Variants in RIMS2 observed in about 807,000 individuals in gnomAD.
RIMS2 encodes regulating synaptic membrane exocytosis protein 2.
A neutral mutation model predicts 174.4 loss-of-function variants in RIMS2; 59 were observed. That is an observed-to-expected ratio of 0.34 (90% CI 0.27 to 0.42). RIMS2 has a LOEUF of 0.42. Ranked by LOEUF, RIMS2 falls within the 10% of genes least tolerant of loss-of-function variation. The pLI, the probability that RIMS2 is intolerant of heterozygous loss-of-function variation, is 1.00. For synonymous variants in RIMS2, 606 were observed against 572.5 expected (o/e 1.06, Z -0.84); for missense variants, 1,620 against 1,666.3 (o/e 0.97, Z 0.48).
intron 2 of RIMS2, among the ~76,000 whole-genome samples, chr8:103,746,861 T>C (rs1438668012): frequency 1.3e-5 from 2 of 151,978 alleles, no homozygotes; most frequent in Non-Finnish European, 2.9e-5. Context: ...TTTGTATTTT[T>C]AGTAGAGACA....
In RIMS2 at chr8:104,196,005, T is replaced by C. The variant is rs185404630; in HGVS notation, c.3335-48911T>C. Among the ~76,000 whole-genome samples, 5 of 152,302 alleles carry C rather than the reference T, an allele frequency of 3.3e-5. No homozygotes were observed. In the East Asian group the frequency reaches 7.7e-4, roughly 23 times the overall value. ...TCTTTAAATATTGAGAAGATTTCTT[T>C]TTCTTAAGGAATCAAAGACCTAATA... On this transcript the variant is annotated intron_variant, in intron 19 of 23. Transcript: ENST00000504942.
intron 19 of RIMS2, among the ~76,000 whole-genome samples, chr8:104,042,282 T>C (rs765738990): frequency 6.6e-6 from 1 of 151,580 alleles, no homozygotes; most frequent in Non-Finnish European, 1.5e-5. Context: ...GGAAACAGTA[T>C]GGCCAGTAGC....
At chr8:104,182,894 T>C (rs1400064759) in intron 19 of RIMS2, among the ~76,000 whole-genome samples, 2 of 151,860 alleles carry the variant, frequency 1.3e-5, no homozygotes, top group African/African-American at 4.8e-5. Context: ...ATTTGTGCAC[T>C]GTTTACAAAT....
At chr8:103,856,959 T>C (rs190987527) in intron 3 of RIMS2, among the ~76,000 whole-genome samples, 2 of 152,102 alleles carry the variant, frequency 1.3e-5, no homozygotes, top group East Asian at 3.9e-4. Flanking sequence ...GATGCACAAC[T>C]CAGTTATCTT....
At chr8:103,693,456 C>A (rs1481004722) in intron 1 of RIMS2, among the ~76,000 whole-genome samples, 1 of 152,122 alleles carries the variant, frequency 6.6e-6, no homozygotes, top group African/African-American at 2.4e-5. Flanking sequence ...TCTCTTCCAC[C>A]ATCTTCTTAT....
At chr8:103,794,253 GA>G (rs1416412019) in intron 3 of RIMS2, among the ~76,000 whole-genome samples, 1 of 152,088 alleles carries the variant, frequency 6.6e-6, no homozygotes, top group African/African-American at 2.4e-5. Context: ...CAATGGAACA[GA>G]ACAGAGCCCT....
At chr8:104,063,952 A>G (rs941441535) in intron 19 of RIMS2, among the ~76,000 whole-genome samples, 3 of 152,192 alleles carry the variant, frequency 2.0e-5, no homozygotes, top group African/African-American at 7.2e-5. Context: ...TACTGTTTGC[A>G]TACTACAGAA....
chr8:104,245,145 G>C, intron 20 of RIMS2, 88 bp downstream of exon 26: 1 of 1,346,218 alleles, frequency 7.4e-7, no homozygotes, highest in Non-Finnish European at 1.0e-6. Flanking sequence ...CAACTCTCAT[G>C]CTCTTCAGAA....
At chr8:103,559,055 A>AATTTTTTTTTTTTTTTTTTTT (rs1397052354) in intron 1 of RIMS2, 2 of 20,040 alleles carry the variant, frequency 1.0e-4, no homozygotes, top group South Asian at 9.3e-4. Context: ...ATATTTTTTA[A>AATTTTTTTTTTTTTTTTTTTT]CTTTTTTTTT....
intron 3 of RIMS2, among the ~76,000 whole-genome samples, chr8:103,777,098 T>C (rs1046722012): frequency 1.3e-5 from 2 of 152,114 alleles, no homozygotes; most frequent in Admixed American, 6.6e-5. Flanking sequence ...GCAACAGTCA[T>C]GTGTATCTTC....
intron 3 of RIMS2, among the ~76,000 whole-genome samples, chr8:103,864,712 A>C (rs530480311): frequency 6.6e-6 from 1 of 152,326 alleles, no homozygotes; most frequent in Non-Finnish European, 1.5e-5. Flanking sequence ...AATTATTCTT[A>C]AGAAAATTAA....
intron 1 of RIMS2, among the ~76,000 whole-genome samples, chr8:103,562,445 C>G (rs2091740300): frequency 6.6e-6 from 1 of 152,214 alleles, no homozygotes; most frequent in Admixed American, 6.5e-5. Context: ...AGTTCCAAAA[C>G]AGTCTCCTCT....
chr8:104,092,299 A>G (rs1453947252), intron 19 of RIMS2, among the ~76,000 whole-genome samples: 1 of 151,890 alleles, frequency 6.6e-6, no homozygotes, highest in Non-Finnish European at 1.5e-5. Context: ...TTGATAAAAA[A>G]TAATCATCTT....
At chr8:103,681,172 T>G (rs528620062) in intron 1 of RIMS2, among the ~76,000 whole-genome samples, 3 of 151,904 alleles carry the variant, frequency 2.0e-5, no homozygotes, top group South Asian at 4.1e-4. Context: ...AACACTAAAT[T>G]TGGATTTGGC....
intron 1 of RIMS2, among the ~76,000 whole-genome samples, chr8:103,565,081 C>T (rs2092169381): frequency 6.6e-6 from 1 of 152,152 alleles, no homozygotes; most frequent in Non-Finnish European, 1.5e-5. Flanking sequence ...GACATATGGG[C>T]TAAAGACATG....
At chr8:103,704,846 TTG>T (rs2097206661) in intron 2 of RIMS2, among the ~76,000 whole-genome samples, 1 of 152,026 alleles carries the variant, frequency 6.6e-6, no homozygotes. Flanking sequence ...TTTATTTATT[TTG>T]GACTCTTCTT....
At chr8:104,153,837 T>C (rs981666443) in intron 19 of RIMS2, among the ~76,000 whole-genome samples, 3 of 151,908 alleles carry the variant, frequency 2.0e-5, no homozygotes, top group African/African-American at 7.3e-5. Flanking sequence ...ATGAAGAAAA[T>C]ATTTTAAGAA....
At chr8:104,182,028 T>C (rs1202866121) in intron 19 of RIMS2, among the ~76,000 whole-genome samples, 1 of 151,734 alleles carries the variant, frequency 6.6e-6, no homozygotes, top group Non-Finnish European at 1.5e-5. Flanking sequence ...ATTTAGGACT[T>C]TTTTCCTTAT....
At chr8:103,532,130 G>A (rs902105241) in intron 1 of RIMS2, among the ~76,000 whole-genome samples, 2 of 152,186 alleles carry the variant, frequency 1.3e-5, no homozygotes, top group Non-Finnish European at 2.9e-5. Context: ...TATGTTCCCA[G>A]TTAGATCATC....
Sources: gnomAD v4.1 joint callset for allele counts (sites outside exome capture counted in the v4.1 genomes callset) on GRCh38, gnomAD v4.1.1 for gene constraint, MANE v1.5 for transcripts, NCBI Gene and HGNC (gene_info 2026-07-23, HGNC 2026-07-21) for gene names.